MUSK: variants seen among roughly 807,000 people sequenced by gnomAD.
MUSK encodes muscle, skeletal receptor tyrosine-protein kinase.
Under a neutral mutation model 88.7 loss-of-function variants are expected in MUSK, and 55 were observed. The observed-to-expected ratio is 0.62, with a 90% CI of 0.50 to 0.78. The LOEUF is 0.78. Among genes scored for constraint, MUSK ranks in the 30% least tolerant of loss-of-function variants. MUSK has a pLI of 0.00. For missense variants in MUSK, 1,015 were observed against 1,074.3 expected, an observed-to-expected ratio of 0.94 and a Z score of 0.77; for synonymous variants, 387 against 391.9, an observed-to-expected ratio of 0.99 and a Z score of 0.15.
intron 5 of MUSK, 54 bp downstream of exon 5, chr9:110,697,520 C>T: frequency 1.3e-6 from 2 of 1,553,824 alleles, no homozygotes; most frequent in Non-Finnish European, 1.7e-6. Flanking sequence ...TCACTGTCTA[C>T]TGTGAAGGCT....
chr9:110,729,643 A>G (rs906046116), intron 5 of MUSK, among the ~76,000 whole-genome samples: 4 of 152,018 alleles, frequency 2.6e-5, no homozygotes, highest in Admixed American at 6.6e-5. Context: ...ATTTATTCCT[A>G]TCAGTCATTG....
At chr9:110,741,239 T>C (rs1184675101) in intron 6 of MUSK, among the ~76,000 whole-genome samples, 3 of 152,176 alleles carry the variant, frequency 2.0e-5, no homozygotes, top group Non-Finnish European at 4.4e-5. Context: ...CATCACCTTG[T>C]TCACCTTAAA....
intron 14 of MUSK, among the ~76,000 whole-genome samples, chr9:110,790,853 G>A (rs2077961862): frequency 6.6e-6 from 1 of 152,206 alleles, no homozygotes; most frequent in Non-Finnish European, 1.5e-5. Context: ...GGTCAGCATG[G>A]TTGTGTATTT....
intron 5 of MUSK, among the ~76,000 whole-genome samples, chr9:110,711,260 A>AT (rs1204903243): frequency 3.3e-5 from 5 of 152,028 alleles, no homozygotes; most frequent in African/African-American, 7.2e-5. Flanking sequence ...AATAATAATA[A>AT]AAAAAATTTA....
chr9:110,766,354 G>T (rs1254173138), intron 8 of MUSK, among the ~76,000 whole-genome samples: 1 of 152,136 alleles, frequency 6.6e-6, no homozygotes, highest in Non-Finnish European at 1.5e-5. Context: ...TTCTCTGGGG[G>T]TTTTCTCACC....
intron 5 of MUSK, among the ~76,000 whole-genome samples, chr9:110,705,155 T>G (rs1238153439): frequency 6.6e-6 from 1 of 152,212 alleles, no homozygotes; most frequent in Non-Finnish European, 1.5e-5. Context: ...ATTATACTAT[T>G]TTTGATAAAG....
intron 1 of MUSK, among the ~76,000 whole-genome samples, chr9:110,676,856 A>G (rs2131634558): frequency 6.6e-6 from 1 of 152,264 alleles, no homozygotes; most frequent in Admixed American, 6.5e-5. Context: ...GCTGCAGTGA[A>G]CATAGGTGTG....
Position 110,806,144 on chromosome 9 carries a change from T to A in MUSK, c.*5156T>A, listed in dbSNP as rs1000221573. Among the ~76,000 whole-genome samples, 1 of 152,178 alleles carries A rather than the reference T, an allele frequency of 6.6e-6. No homozygotes were observed. Among genetic ancestry groups the A allele is most frequent in the East Asian group, 1.9e-4 (1 of 5,196 alleles). ...TGTTAGTTCTTCTGGTGATTACCAG[T>A]GCAATTCTAACAAATAGGTTTGCAT... On this transcript the variant is annotated 3_prime_UTR_variant, in exon 15 of 15. Coordinates refer to ENST00000374448, the MANE Select transcript of MUSK (RefSeq NM_005592.4).
chr9:110,677,955 C>T (rs569369440), intron 1 of MUSK, among the ~76,000 whole-genome samples: 1 of 151,838 alleles, frequency 6.6e-6, no homozygotes, highest in South Asian at 2.1e-4. Context: ...TTTTTTTCTG[C>T]CTAAATGCAT....
At chr9:110,780,173 C>T (rs181276334) in intron 11 of MUSK, among the ~76,000 whole-genome samples, 4 of 152,208 alleles carry the variant, frequency 2.6e-5, no homozygotes, top group East Asian at 1.9e-4. Context: ...ATTTTCTATT[C>T]GCTTTACGTT....
At position 110,804,479 on chromosome 9, in the gene MUSK, T is replaced by C; in HGVS notation, c.*3491T>C. Among the ~76,000 whole-genome samples the C allele has an allele frequency of 1.3e-5, 2 of 152,062 alleles. 1 individual carries two copies. The highest frequency in any genetic ancestry group is 4.1e-4 in the South Asian group (2 of 4,822). On this transcript the variant is annotated 3_prime_UTR_variant, in exon 15 of 15. Transcript: ENST00000374448. ...ATAGAAAAAGAGAACCTCTTTTTAA[T>C]TTTATTTTTTAAATTACTAGTCAGG...
At chr9:110,764,639 G>GATAGA (rs55647455) in intron 8 of MUSK, among the ~76,000 whole-genome samples, 11,924 of 145,040 alleles carry the variant, frequency 0.082, 596 homozygotes, top group Non-Finnish European at 0.11. Context: ...AGATAGATAG[G>GATAGA]TAGGTAGATC....
At chr9:110,686,907 G>C (rs1217099140) in intron 2 of MUSK, among the ~76,000 whole-genome samples, 2 of 152,030 alleles carry the variant, frequency 1.3e-5, no homozygotes, top group Non-Finnish European at 2.9e-5. Context: ...AAGGACTATG[G>C]TACTTTGACT....
chr9:110,685,788 A>C, intron 2 of MUSK, among the ~76,000 whole-genome samples: 1 of 152,180 alleles, frequency 6.6e-6, no homozygotes, highest in East Asian at 1.9e-4. Flanking sequence ...CCAATTCCTC[A>C]GGAGCAGAAT....
chr9:110,703,375 C>G (rs1284860265), intron 5 of MUSK, among the ~76,000 whole-genome samples: 1 of 151,640 alleles, frequency 6.6e-6, no homozygotes, highest in Non-Finnish European at 1.5e-5. Flanking sequence ...TGTCTCTATA[C>G]AAAAATTAGC....
chr9:110,725,051 C>T (rs755761035), intron 5 of MUSK, among the ~76,000 whole-genome samples: 8 of 151,878 alleles, frequency 5.3e-5, no homozygotes, highest in Non-Finnish European at 2.9e-5. Context: ...TAACAGTTTT[C>T]CTATATAGCA....
chr9:110,720,913 C>T (rs1301675320), intron 5 of MUSK, among the ~76,000 whole-genome samples: 1 of 152,072 alleles, frequency 6.6e-6, no homozygotes, highest in African/African-American at 2.4e-5. Context: ...GGGTTTCATA[C>T]CAGGGATGCA....
At chr9:110,735,602 A>C (rs2077021327) in intron 6 of MUSK, among the ~76,000 whole-genome samples, 1 of 152,090 alleles carries the variant, frequency 6.6e-6, no homozygotes, top group Non-Finnish European at 1.5e-5. Context: ...TGGGTACATA[A>C]GTTAGAAGGA....
chr9:110,680,380 TTTC>T (rs1181938741), intron 1 of MUSK, among the ~76,000 whole-genome samples: 26 of 77,964 alleles, frequency 3.3e-4, no homozygotes, highest in African/African-American at 1.7e-3. Context: ...TCTTTCTTTT[TTTC>T]TTTTTTTTTT....
Sources: gnomAD v4.1 joint callset for allele counts (sites outside exome capture counted in the v4.1 genomes callset) on GRCh38, gnomAD v4.1.1 for gene constraint, MANE v1.5 for transcripts, NCBI Gene and HGNC (gene_info 2026-07-23, HGNC 2026-07-21) for gene names.